The following KCNQ1 variants were observed in gnomAD, a reference collection of about 807,000 sequenced individuals.
The protein encoded by KCNQ1 is potassium voltage-gated channel subfamily Q member 1, also known as potassium voltage-gated channel subfamily KQT member 1.
Under a neutral mutation model 72.4 loss-of-function variants are expected in KCNQ1, and 49 were observed. The observed-to-expected ratio is 0.68, with a 90% confidence interval of 0.54 to 0.86. KCNQ1 has a LOEUF of 0.86. Ranked by LOEUF, KCNQ1 falls within the 40% of genes least tolerant of loss-of-function variation. The pLI is 0.00. For missense variants in KCNQ1, 790 were observed against 945.1 expected (o/e 0.84, Z 2.15); for synonymous variants, 450 against 412.6 (o/e 1.09, Z -1.10).
In KCNQ1 at chr11:2,548,051, GT is replaced by G. The variant is rs202028962; in HGVS notation, c.477+20036del. ...CTTGGGGCGACTCTGGGGAGTTAGG[GT>G]TTCGCTCTGCATGACAGGAGCCTGG... On this transcript the variant is annotated intron_variant, in intron 2 of 15. Coordinates refer to ENST00000155840, the MANE Select transcript of KCNQ1 (RefSeq NM_000218.3). Among the ~76,000 whole-genome samples the G allele has an allele frequency of 7.4e-3, 1,134 of 152,242 alleles. 35 individuals carry two copies. Among genetic ancestry groups the G allele is most frequent in the East Asian group, 0.051 (265 of 5,180 alleles).
Position 2,670,887 on chromosome 11 carries a change from G to T in KCNQ1, c.1514+8806G>T. ...CAGTGGGCCACTGGGAAGCCTCCTG[G>T]ATTGCCTGGACAAGGCTGACCTGCC... On this transcript the variant is annotated intron_variant, in intron 11 of 15. Transcript: ENST00000155840. This position sits in a 1 kb window ranked among gnomAD's most constrained non-coding sequence, Gnocchi z 4.9. The T allele has an allele frequency of 2.5e-6, 1 of 398,654 alleles. No individual in the cohort carries two copies. Among genetic ancestry groups the T allele is most frequent in the Non-Finnish European group, 4.4e-6 (1 of 226,084 alleles). 24.7% of individuals were successfully genotyped at this position (398,654 alleles called of 1,614,324 possible).
Position 2,624,851 on chromosome 11 carries a change from T to G in KCNQ1, c.1393+35997T>G, listed in dbSNP as rs73415381. On this transcript the variant is annotated intron_variant, in intron 10 of 15. Coordinates refer to ENST00000155840, the MANE Select transcript of KCNQ1 (RefSeq NM_000218.3). This position sits in a 1 kb window ranked among gnomAD's most constrained non-coding sequence, Gnocchi z 4.9. ...GAAACATACAGTACTTCTCTTCTTG[T>G]GACTGCTGTATTTCATTTAACATAA... 9,005 of 398,528 alleles carry G rather than the reference T, an allele frequency of 0.023. 576 individuals carry two copies. Among genetic ancestry groups the G allele is most frequent in the African/African-American group, 0.16 (7,604 of 48,694 alleles). 24.7% of individuals were successfully genotyped at this position (398,528 alleles called of 1,614,324 possible).
Position 2,652,644 on chromosome 11 carries a change from T to G in KCNQ1, c.1394-9317T>G, listed in dbSNP as rs1289181169. 2 of 398,644 alleles carry G rather than the reference T, an allele frequency of 5.0e-6. No individual in the cohort carries two copies. Among genetic ancestry groups the G allele is most frequent in the Admixed American group, 4.4e-5 (1 of 22,722 alleles). 24.7% of individuals were successfully genotyped at this position (398,644 alleles called of 1,614,324 possible). ...TTGGGAGACCTAGACAGTGACTTCCTGCAGCATGGAGACCCGGGTGGGTCG... is the reference window on the plus strand; with the variant it reads ...TTGGGAGACCTAGACAGTGACTTCCGGCAGCATGGAGACCCGGGTGGGTCG... On this transcript the variant is annotated intron_variant, in intron 10 of 15. Coordinates refer to ENST00000155840, the MANE Select transcript of KCNQ1 (RefSeq NM_000218.3). This position sits in a 1 kb window ranked among gnomAD's most constrained non-coding sequence, Gnocchi z 5.9.
intron 14 of KCNQ1, chr11:2,777,651 C>T (rs1590082714): frequency 1.7e-6 from 1 of 593,734 alleles, no homozygotes; most frequent in Non-Finnish European, 3.0e-6. Context: ...TGGAGTCAGG[C>T]CTGTGTCGCC....
At chr11:2,631,422 G>GT in intron 10 of KCNQ1, 2 of 396,860 alleles carry the variant, frequency 5.0e-6, no homozygotes. Context: ...CCTCCAAAAT[G>GT]TTTGTTTTTT....
At chr11:2,716,849 G>C (rs1851101551) in intron 11 of KCNQ1, among the ~76,000 whole-genome samples, 1 of 152,188 alleles carries the variant, frequency 6.6e-6, no homozygotes, top group South Asian at 2.1e-4. Context: ...GGGCAGGCAG[G>C]AGCCAGGACC....
intron 7 of KCNQ1, among the ~76,000 whole-genome samples, chr11:2,584,384 TGTTA>T (rs1440605167): frequency 6.6e-6 from 1 of 151,622 alleles, no homozygotes; most frequent in African/African-American, 2.4e-5. Context: ...TGTGTTTGTG[TGTTA>T]GTGTGTGGGT....
chr11:2,595,497 A>G lies in KCNQ1; in HGVS notation c.1393+6643A>G, dbSNP rs1226483553. On this transcript the variant is annotated intron_variant, in intron 10 of 15. Transcript: ENST00000155840. The surrounding 1 kb of genome is among the most constrained non-coding windows in gnomAD (Gnocchi z 5.0). ...CATTTCAACAATCCTAGGGCCCTTA[A>G]GAATTATGCTAAATCTACTCTGCTT... Among the ~76,000 whole-genome samples, 2 of 152,210 alleles carry G rather than the reference A, an allele frequency of 1.3e-5. No homozygotes were observed. Among genetic ancestry groups the G allele is most frequent in the African/African-American group, 4.8e-5 (2 of 41,444 alleles).
In KCNQ1 at chr11:2,710,966, G is replaced by C. The variant is rs552129813; in HGVS notation, c.1514+48885G>C. Among the ~76,000 whole-genome samples the C allele has an allele frequency of 2.6e-3, 393 of 152,122 alleles. No individual in the cohort carries two copies. Among genetic ancestry groups the C allele is most frequent in the African/African-American group, 8.7e-3 (362 of 41,502 alleles). ...TTATTTTGGCTATTCTGGGTCCCTT[G>C]AATTTCCATATGAATTTTACAATCA... On this transcript the variant is annotated intron_variant, in intron 11 of 15. Coordinates refer to ENST00000155840, the MANE Select transcript of KCNQ1 (RefSeq NM_000218.3). The surrounding 1 kb of genome is among the most constrained non-coding windows in gnomAD (Gnocchi z 4.1).
rs180782813 is a variant in KCNQ1, at chr11:2,652,693, G to T, written c.1394-9268G>T. 107 of 398,864 alleles carry T rather than the reference G, an allele frequency of 2.7e-4. No homozygotes were observed. The highest frequency in any genetic ancestry group is 1.8e-3 in the African/African-American group (88 of 48,756). The allele number at this position is 398,864 out of a possible 1,614,324, so 24.7% of individuals were successfully genotyped here. A position where few individuals can be genotyped will look rare whatever the true frequency, so the allele number is the denominator to read the frequency against. On this transcript the variant is annotated intron_variant, in intron 10 of 15. Transcript: ENST00000155840. This position sits in a 1 kb window ranked among gnomAD's most constrained non-coding sequence, Gnocchi z 5.9. ...CGATTTTAGTTGTGTGGGTGGCTGT[G>T]TTGCTCTCTTTCCGTTTCCTGGGCT...
rs570554610 is a variant in KCNQ1 at position 2,769,837 on chromosome 11, C to G, written c.1590+918C>G. ...GGGCTTCTGAGCTGGGGGCCCCTGG[C>G]ACCTCAGCCACAGCCTCACCAGTCA... On this transcript the variant is annotated intron_variant, in intron 12 of 15. Transcript: ENST00000155840. This position sits in a 1 kb window ranked among gnomAD's most constrained non-coding sequence, Gnocchi z 4.6. Among the ~76,000 whole-genome samples, 2 of 152,232 alleles carry G rather than the reference C, an allele frequency of 1.3e-5. No individual in the cohort carries two copies. The highest frequency in any genetic ancestry group is 3.9e-4 in the East Asian group (2 of 5,168).
At chr11:2,585,984 G>A (rs576845387) in intron 8 of KCNQ1, among the ~76,000 whole-genome samples, 63 of 152,328 alleles carry the variant, frequency 4.1e-4, no homozygotes, top group Non-Finnish European at 7.8e-4. Context: ...GCAAGGACTT[G>A]GCACAGGAGT....
In KCNQ1 at chr11:2,483,282, C is replaced by G. The variant is rs1383094961; in HGVS notation, c.386+37798C>G. ...AGTGATGAGGGACAACATCAGTCCT[C>G]TCTTGGCTTCTGTACTTTAAAAAAA... On this transcript the variant is annotated intron_variant, in intron 1 of 15. Transcript: ENST00000155840. This position sits in a 1 kb window ranked among gnomAD's most constrained non-coding sequence, Gnocchi z 6.1. Among the ~76,000 whole-genome samples the G allele has an allele frequency of 6.6e-6, 1 of 152,188 alleles. No homozygotes were observed. The highest frequency in any genetic ancestry group is 1.5e-5 in the Non-Finnish European group (1 of 68,038).
At chr11:2,732,588 C>G (rs137984929) in intron 11 of KCNQ1, among the ~76,000 whole-genome samples, 2 of 152,188 alleles carry the variant, frequency 1.3e-5, no homozygotes, top group South Asian at 2.1e-4. Context: ...CGAAGGGGCC[C>G]GAGGCACCGG....
At chr11:2,628,658 T>C in intron 10 of KCNQ1, 1 of 398,428 alleles carries the variant, frequency 2.5e-6, no homozygotes, top group Admixed American at 4.4e-5. Context: ...TCTAATTTAT[T>C]TTTGCGTTTT....
Position 2,783,391 on chromosome 11 carries a change from C to T in KCNQ1, c.1794+5354C>T, listed in dbSNP as rs1158433602. On this transcript the variant is annotated intron_variant, in intron 15 of 15. Transcript: ENST00000155840. The surrounding 1 kb of genome is among the most constrained non-coding windows in gnomAD (Gnocchi z 5.2). ...ATGTGGTCAATTTTTGTAAATGTGC[C>T]TTCTGTACTTGAAAACAAGGTATAT... Among the ~76,000 whole-genome samples, 1 of 151,928 alleles carries T rather than the reference C, an allele frequency of 6.6e-6. No individual in the cohort carries two copies. Among genetic ancestry groups the T allele is most frequent in the Non-Finnish European group, 1.5e-5 (1 of 67,906 alleles).
chr11:2,561,913 G>A (rs1053940903), intron 2 of KCNQ1, among the ~76,000 whole-genome samples: 22 of 152,042 alleles, frequency 1.4e-4, no homozygotes, highest in African/African-American at 2.7e-4. Flanking sequence ...TCAAGGTCAC[G>A]GGCTGCACGT....
chr11:2,468,755 TG>T lies in KCNQ1; in HGVS notation c.386+23272del, dbSNP rs1449898817. ...GTGTCTGTTGTGTGTGTCGGCCTGT[TG>T]TTTGGGTAGAGCCTACTTTGCCGAT... is the stretch of plus-strand genomic sequence containing the variant. On this transcript the variant is annotated intron_variant, in intron 1 of 15. Coordinates refer to ENST00000155840, the MANE Select transcript of KCNQ1 (RefSeq NM_000218.3). This position sits in a 1 kb window ranked among gnomAD's most constrained non-coding sequence, Gnocchi z 5.7. Among the ~76,000 whole-genome samples, 1 of 152,226 alleles carries T rather than the reference TG, an allele frequency of 6.6e-6. No homozygotes were observed. The highest frequency in any genetic ancestry group is 1.9e-4 in the East Asian group (1 of 5,198).
At chr11:2,521,530 T>C (rs978936335) in intron 1 of KCNQ1, 2 of 470,940 alleles carry the variant, frequency 4.2e-6, no homozygotes, top group Non-Finnish European at 8.8e-6. Context: ...TGTGAAACGC[T>C]CCAGTGGTTA....
Sources: gnomAD v4.1 joint callset for allele counts (sites outside exome capture counted in the v4.1 genomes callset) on GRCh38, gnomAD v4.1.1 for gene constraint, Gnocchi (gnomAD v3.1) non-coding constraint, MANE v1.5 for transcripts, NCBI Gene and HGNC (gene_info 2026-07-23, HGNC 2026-07-21) for gene names.